The following PTPRK variants were observed in gnomAD, a reference collection of about 807,000 sequenced individuals.
PTPRK encodes the protein protein tyrosine phosphatase receptor type K.
In PTPRK, 75 loss-of-function variants were observed where a neutral mutation model predicts 178.0. The observed-to-expected ratio is 0.42, with a 90% confidence interval of 0.35 to 0.51. The LOEUF (loss-of-function observed/expected upper bound fraction) is 0.51. Among genes scored for constraint, PTPRK ranks in the 20% least tolerant of loss-of-function variants. The pLI is 0.02. For synonymous variants in PTPRK, 637 were observed against 620.6 expected (o/e 1.03, Z -0.39); for missense variants, 1,441 against 1,797.8 (o/e 0.80, Z 3.59).
intron 1 of PTPRK, among the ~76,000 whole-genome samples, chr6:128,466,245 A>G (rs1196545875): frequency 2.0e-5 from 3 of 152,208 alleles, no homozygotes; most frequent in Non-Finnish European, 4.4e-5. Flanking sequence ...CAATGCCACA[A>G]TTACAGATAA....
chr6:127,991,953 A>G (rs546084769), intron 19 of PTPRK, among the ~76,000 whole-genome samples: 28 of 151,928 alleles, frequency 1.8e-4, no homozygotes, highest in African/African-American at 6.3e-4. Context: ...AGAGTACACA[A>G]CTGAACTCAA....
chr6:128,298,207 T>C lies in PTPRK; in HGVS notation c.495+23832A>G, dbSNP rs553836721. Among the ~76,000 whole-genome samples, 3 of 152,150 alleles carry C rather than the reference T, an allele frequency of 2.0e-5. No homozygotes were observed. The East Asian group carries it at 5.8e-4, about 29-fold the overall frequency. On this transcript the variant is annotated intron_variant, in intron 3 of 29. Coordinates refer to ENST00000368226, the MANE Select transcript of PTPRK (RefSeq NM_002844.4). The stretch of plus-strand genomic sequence containing the variant: ...GAAGTTGACTCTCTGAATAGACCAA[T>C]AACAGGCTCTGAAATTGTGGCAATA...
intron 6 of PTPRK, among the ~76,000 whole-genome samples, chr6:128,218,041 C>T (rs898316794): frequency 1.3e-5 from 2 of 152,060 alleles, no homozygotes; most frequent in African/African-American, 4.8e-5. Context: ...CAGTTGTTAC[C>T]TTCTCAGAGT....
At chr6:128,164,725 G>A (rs1799152383) in intron 7 of PTPRK, among the ~76,000 whole-genome samples, 1 of 150,978 alleles carries the variant, frequency 6.6e-6, no homozygotes, top group African/African-American at 2.4e-5. Flanking sequence ...AGGCTGGGGG[G>A]GGAGATTAAA....
intron 4 of PTPRK, among the ~76,000 whole-genome samples, chr6:128,242,103 C>G (rs967299625): frequency 2.0e-5 from 3 of 152,116 alleles, no homozygotes; most frequent in Middle Eastern, 3.4e-3. Context: ...CTAATTATTT[C>G]TCTTCATTTC....
intron 1 of PTPRK, among the ~76,000 whole-genome samples, chr6:128,444,816 A>G (rs1462240609): frequency 6.6e-6 from 1 of 152,132 alleles, no homozygotes; most frequent in Non-Finnish European, 1.5e-5. Context: ...AGAACAACAG[A>G]TCTTCCTTCA....
chr6:128,488,657 T>C (rs559129746), intron 1 of PTPRK, among the ~76,000 whole-genome samples: 1 of 152,336 alleles, frequency 6.6e-6, no homozygotes, highest in East Asian at 1.9e-4. Flanking sequence ...CCAAAATTGC[T>C]TACTGGAGTG....
intron 13 of PTPRK, among the ~76,000 whole-genome samples, chr6:128,053,501 T>C (rs1054736781): frequency 2.6e-5 from 4 of 152,038 alleles, no homozygotes; most frequent in Non-Finnish European, 4.4e-5. Context: ...ATGCTATGCG[T>C]CCCTGACAAG....
intron 1 of PTPRK, among the ~76,000 whole-genome samples, chr6:128,513,513 G>T (rs148690062): frequency 0.012 from 1,818 of 149,272 alleles, 28 homozygotes; most frequent in African/African-American, 0.032. Flanking sequence ...AAGAAAGAAA[G>T]AAATAAAGAA....
intron 1 of PTPRK, among the ~76,000 whole-genome samples, chr6:128,504,995 T>A (rs1856108279): frequency 6.6e-6 from 1 of 152,156 alleles, no homozygotes; most frequent in African/African-American, 2.4e-5. Context: ...CTGTTTCATA[T>A]TTAAATTTAG....
intron 1 of PTPRK, among the ~76,000 whole-genome samples, chr6:128,435,459 C>A (rs1326130379): frequency 6.6e-6 from 1 of 151,720 alleles, no homozygotes; most frequent in East Asian, 1.9e-4. Context: ...AAACTTTTTT[C>A]TTGATATGGA....
chr6:128,335,609 T>G (rs1830811326), intron 2 of PTPRK, among the ~76,000 whole-genome samples: 1 of 152,030 alleles, frequency 6.6e-6, no homozygotes, highest in Non-Finnish European at 1.5e-5. Flanking sequence ...TAGGGTTATT[T>G]TATTTTTCAT....
intron 7 of PTPRK, among the ~76,000 whole-genome samples, chr6:128,113,428 C>G (rs942332983): frequency 6.7e-6 from 1 of 150,008 alleles, no homozygotes. Context: ...GTTCTCAATA[C>G]CTGCAGGTTC....
chr6:128,074,160 G>A (rs1202897012), intron 11 of PTPRK, among the ~76,000 whole-genome samples: 2 of 151,852 alleles, frequency 1.3e-5, no homozygotes, highest in African/African-American at 2.4e-5. Context: ...CTAAATAGGT[G>A]GTGCTTAATG....
chr6:128,406,098 A>G (rs1428734247), intron 1 of PTPRK, among the ~76,000 whole-genome samples: 1 of 151,936 alleles, frequency 6.6e-6, no homozygotes, highest in Non-Finnish European at 1.5e-5. Context: ...CTCTACAAAA[A>G]ATAAATAAAA....
At chr6:128,220,010 C>T (rs1266553964) in intron 5 of PTPRK, among the ~76,000 whole-genome samples, 1 of 152,028 alleles carries the variant, frequency 6.6e-6, no homozygotes, top group African/African-American at 2.4e-5. Flanking sequence ...TGAAAGCATA[C>T]CTGTCAAATT....
chr6:128,101,700 C>T (rs1562585496), intron 7 of PTPRK, among the ~76,000 whole-genome samples: 1 of 152,086 alleles, frequency 6.6e-6, no homozygotes, highest in Admixed American at 6.5e-5. Flanking sequence ...GCCCTAGAGC[C>T]CAAAGATCTT....
At chr6:128,013,646 T>A (rs1322688547) in intron 13 of PTPRK, among the ~76,000 whole-genome samples, 1 of 151,506 alleles carries the variant, frequency 6.6e-6, no homozygotes, top group Admixed American at 6.6e-5. Context: ...CAAATTGGGA[T>A]GCTTTTGAAG....
At chr6:128,325,691 G>T (rs9491938) in intron 2 of PTPRK, among the ~76,000 whole-genome samples, 124,244 of 152,100 alleles carry the variant, frequency 0.82, 53,238 homozygotes, top group East Asian at 0.99. Context: ...AGAGGATGTG[G>T]AGAAATAGGA....
Sources: allele counts gnomAD v4.1 joint callset (sites outside exome capture counted in the v4.1 genomes callset), GRCh38; gene constraint gnomAD v4.1.1; transcripts MANE v1.5; gene names NCBI Gene and HGNC (gene_info 2026-07-23, HGNC 2026-07-21).